The following GRID1 variants were observed in gnomAD, a reference collection of about 807,000 sequenced individuals.
GRID1 encodes the protein glutamate ionotropic receptor delta type subunit 1.
GRID1 carries 28 observed loss-of-function variants against 98.0 expected under a neutral mutation model. The ratio of observed to expected loss-of-function variants is 0.29; its 90% CI spans 0.21 to 0.39. The LOEUF (loss-of-function observed/expected upper bound fraction) is 0.39. GRID1 is among the 10% of genes least tolerant of loss of function. The pLI is 1.00. For synonymous variants in GRID1, 553 were observed against 538.5 expected, an observed-to-expected ratio of 1.03 and a Z score of -0.37; for missense variants, 1,111 against 1,340.5, an observed-to-expected ratio of 0.83 and a Z score of 2.67.
intron 8 of GRID1, among the ~76,000 whole-genome samples, chr10:85,799,374 A>T (rs1590237268): frequency 6.6e-6 from 1 of 152,268 alleles, no homozygotes; most frequent in East Asian, 1.9e-4. Context: ...TCTATATATG[A>T]AAAATGATTA....
intron 12 of GRID1, among the ~76,000 whole-genome samples, chr10:85,676,186 T>A (rs954151703): frequency 1.3e-5 from 2 of 152,182 alleles, no homozygotes; most frequent in African/African-American, 4.8e-5. Flanking sequence ...TTTGGAAGGT[T>A]GAGCCTGTTC....
intron 4 of GRID1, among the ~76,000 whole-genome samples, chr10:86,080,618 G>A (rs577849958): frequency 1.3e-5 from 2 of 152,188 alleles, no homozygotes; most frequent in South Asian, 2.1e-4. Context: ...TAGGATGCCC[G>A]GCATCCTCCT....
intron 5 of GRID1, among the ~76,000 whole-genome samples, chr10:85,888,358 G>A (rs1341178582): frequency 6.6e-6 from 1 of 152,190 alleles, no homozygotes; most frequent in Admixed American, 6.5e-5. Context: ...AGCACGTGGA[G>A]GAACAGGCTC....
rs577108345 is a variant in GRID1, at chr10:86,324,339, T to C, written c.235+39602A>G. Among the ~76,000 whole-genome samples, 6 of 152,300 alleles carry C rather than the reference T, an allele frequency of 3.9e-5. No individual in the cohort carries two copies. In the South Asian group the frequency reaches 1.2e-3, roughly 32 times the overall value. ...CTGATTATACGTTGAGAGACACGTG[T>C]AAACATAAAGGTATCTTTAACATAT... On this transcript the variant is annotated intron_variant, in intron 2 of 15. Transcript: ENST00000327946.
At chr10:86,336,625 G>A (rs1047896785) in intron 2 of GRID1, among the ~76,000 whole-genome samples, 1 of 152,202 alleles carries the variant, frequency 6.6e-6, no homozygotes, top group Non-Finnish European at 1.5e-5. Context: ...TCCCCACCCA[G>A]TAGGCTCCAG....
chr10:85,859,638 T>C (rs1304890088), intron 6 of GRID1, among the ~76,000 whole-genome samples: 1 of 152,212 alleles, frequency 6.6e-6, no homozygotes, highest in Admixed American at 6.5e-5. Context: ...GATCTTCCCA[T>C]GGAGCTGTTT....
At chr10:86,245,740 C>T (rs1846716127) in intron 2 of GRID1, among the ~76,000 whole-genome samples, 1 of 152,220 alleles carries the variant, frequency 6.6e-6, no homozygotes, top group African/African-American at 2.4e-5. Context: ...GCTGTCCCTG[C>T]CCCACTTTCC....
At chr10:86,300,142 T>C (rs113230504) in intron 2 of GRID1, among the ~76,000 whole-genome samples, 2 of 151,914 alleles carry the variant, frequency 1.3e-5, no homozygotes, top group African/African-American at 4.8e-5. Context: ...CATTTGAGGA[T>C]GGTGGCAGAA....
At chr10:86,253,251 C>T (rs1846865042) in intron 2 of GRID1, among the ~76,000 whole-genome samples, 1 of 152,364 alleles carries the variant, frequency 6.6e-6, no homozygotes, top group South Asian at 2.1e-4. Flanking sequence ...GGTTCCACAT[C>T]CTGCATCTCT....
chr10:86,211,501 G>A (rs539664414), intron 2 of GRID1, among the ~76,000 whole-genome samples: 13 of 152,200 alleles, frequency 8.5e-5, no homozygotes, highest in Non-Finnish European at 1.8e-4. Flanking sequence ...TGTGGGGGGT[G>A]CCCAGACAGC....
intron 10 of GRID1, among the ~76,000 whole-genome samples, chr10:85,724,904 GC>G (rs1727836597): frequency 6.6e-6 from 1 of 152,304 alleles, no homozygotes; most frequent in East Asian, 1.9e-4. Flanking sequence ...TCAGGAAACT[GC>G]TTCTACAGAA....
intron 4 of GRID1, among the ~76,000 whole-genome samples, chr10:85,941,130 A>T (rs1005320259): frequency 1.3e-5 from 2 of 152,334 alleles, no homozygotes; most frequent in East Asian, 3.9e-4. Context: ...GGTCTTCATA[A>T]TCAGGAAGAT....
At chr10:85,877,278 G>A (rs925051474) in intron 5 of GRID1, among the ~76,000 whole-genome samples, 6 of 152,236 alleles carry the variant, frequency 3.9e-5, no homozygotes, top group Non-Finnish European at 7.3e-5. Context: ...CACACAGCTG[G>A]AGATCTGAGA....
intron 5 of GRID1, among the ~76,000 whole-genome samples, chr10:85,901,495 G>T (rs954520520): frequency 6.6e-6 from 1 of 152,106 alleles, no homozygotes; most frequent in African/African-American, 2.4e-5. Flanking sequence ...TGATCTGCCC[G>T]CCTTGGCCTC....
intron 2 of GRID1, among the ~76,000 whole-genome samples, chr10:86,345,286 A>T (rs1848366081): frequency 6.6e-6 from 1 of 152,194 alleles, no homozygotes; most frequent in Admixed American, 6.5e-5. Flanking sequence ...AGTCACTCAG[A>T]GTGGTGCAGC....
At chr10:85,682,193 G>C (rs977089465) in intron 12 of GRID1, among the ~76,000 whole-genome samples, 1 of 152,192 alleles carries the variant, frequency 6.6e-6, no homozygotes, top group African/African-American at 2.4e-5. Flanking sequence ...CCCAAGACCA[G>C]ATCTTCCAAG....
At chr10:86,282,595 A>G (rs1847372046) in intron 2 of GRID1, among the ~76,000 whole-genome samples, 1 of 152,222 alleles carries the variant, frequency 6.6e-6, no homozygotes, top group African/African-American at 2.4e-5. Context: ...AAGAGCGACC[A>G]TGAGCAGCAA....
At chr10:85,809,343 C>T (rs1842650389) in intron 8 of GRID1, among the ~76,000 whole-genome samples, 1 of 152,086 alleles carries the variant, frequency 6.6e-6, no homozygotes, top group African/African-American at 2.4e-5. Context: ...TCAAACCAAT[C>T]CCTCAATAAC....
At chr10:85,828,714 T>C (rs1270415504) in intron 8 of GRID1, among the ~76,000 whole-genome samples, 1 of 151,382 alleles carries the variant, frequency 6.6e-6, no homozygotes, top group Non-Finnish European at 1.5e-5. Flanking sequence ...TAGAAAAAAA[T>C]GAATAAATTC....
Sources: allele counts gnomAD v4.1 joint callset (sites outside exome capture counted in the v4.1 genomes callset), GRCh38; gene constraint gnomAD v4.1.1; transcripts MANE v1.5; gene names NCBI Gene and HGNC (gene_info 2026-07-23, HGNC 2026-07-21).